The following PRKG1 variants were observed in gnomAD, a reference collection of about 807,000 sequenced individuals.
PRKG1 encodes the protein cGMP-dependent protein kinase 1.
PRKG1 carries 35 observed loss-of-function variants against 88.1 expected under a neutral mutation model. The observed-to-expected ratio is 0.40, with a 90% CI of 0.30 to 0.53. The LOEUF (loss-of-function observed/expected upper bound fraction) is 0.53, where lower values mean the gene tolerates loss of function less well. Ranked by LOEUF, PRKG1 falls within the 20% of genes least tolerant of loss-of-function variation. The probability of loss-of-function intolerance (pLI) is 0.59; values close to 1 mark genes in which losing one functional copy is unlikely to be tolerated. For missense variants in PRKG1, 540 were observed against 839.8 expected (o/e 0.64, Z 4.41); for synonymous variants, 303 against 292.5 (o/e 1.04, Z -0.37).
At chr10:51,620,614 T>C (rs1316065096) in intron 3 of PRKG1, among the ~76,000 whole-genome samples, 2 of 152,118 alleles carry the variant, frequency 1.3e-5, no homozygotes, top group Non-Finnish European at 2.9e-5. Flanking sequence ...TACTCAATCA[T>C]TTATTTGTGA....
intron 5 of PRKG1, among the ~76,000 whole-genome samples, chr10:52,001,109 C>T (rs992427478): frequency 2.6e-5 from 4 of 151,822 alleles, no homozygotes; most frequent in African/African-American, 9.7e-5. Flanking sequence ...ATTTGTCTTT[C>T]TGTGTCTGGC....
At chr10:52,227,462 C>T (rs573332644) in intron 9 of PRKG1, among the ~76,000 whole-genome samples, 8 of 152,156 alleles carry the variant, frequency 5.3e-5, no homozygotes, top group South Asian at 2.1e-4. Flanking sequence ...CAACTATTTA[C>T]GTTGTAAATA....
intron 5 of PRKG1, among the ~76,000 whole-genome samples, chr10:51,945,649 T>C (rs1843013180): frequency 6.6e-6 from 1 of 151,418 alleles, no homozygotes; most frequent in Admixed American, 6.6e-5. Context: ...AGGGCAGGCC[T>C]GGTGGTGACA....
chr10:51,329,160 T>C (rs1184880303), intron 2 of PRKG1, among the ~76,000 whole-genome samples: 1 of 152,194 alleles, frequency 6.6e-6, no homozygotes, highest in Admixed American at 6.5e-5. Flanking sequence ...CATGGAACCT[T>C]TTCCCTAGGT....
chr10:51,611,453 C>T (rs563070343), intron 3 of PRKG1, among the ~76,000 whole-genome samples: 58 of 147,762 alleles, frequency 3.9e-4, no homozygotes, highest in African/African-American at 1.4e-3. Flanking sequence ...ATGTCCTTTG[C>T]CAATTTTTAA....
chr10:51,393,034 CGGGCGG>C (rs1424189497), intron 2 of PRKG1, among the ~76,000 whole-genome samples: 81 of 145,636 alleles, frequency 5.6e-4, no homozygotes, highest in African/African-American at 2.0e-3. Flanking sequence ...GGGTGGTTGC[CGGGCGG>C]AGGGGCTCCT....
chr10:51,804,790 T>A, intron 4 of PRKG1, 100 bp downstream of exon 4: 1 of 769,292 alleles, frequency 1.3e-6, no homozygotes. Flanking sequence ...TTTGCCTTTC[T>A]CTCAGTCATA....
At chr10:52,178,554 T>A (rs1838927608) in intron 9 of PRKG1, among the ~76,000 whole-genome samples, 1 of 151,078 alleles carries the variant, frequency 6.6e-6, no homozygotes, top group South Asian at 2.1e-4. Context: ...CTTTGTTGAT[T>A]TTTTTTTTGT....
chr10:51,413,806 T>G (rs1384560396), intron 2 of PRKG1, among the ~76,000 whole-genome samples: 6 of 152,212 alleles, frequency 3.9e-5, no homozygotes, highest in Non-Finnish European at 8.8e-5. Flanking sequence ...AACCCAAGAA[T>G]CAACTTTTGC....
chr10:51,220,072 G>A (rs1401722916), intron 2 of PRKG1, among the ~76,000 whole-genome samples: 1 of 152,224 alleles, frequency 6.6e-6, no homozygotes, highest in Non-Finnish European at 1.5e-5. Context: ...GAGGAAGTCA[G>A]AGAGATTTGT....
intron 5 of PRKG1, among the ~76,000 whole-genome samples, chr10:51,928,537 A>C (rs2339893): frequency 0.4 from 60,773 of 152,020 alleles, 14,025 homozygotes; most frequent in African/African-American, 0.63. Flanking sequence ...GGCATGGTAG[A>C]CTTTTAGTGT....
At chr10:52,083,371 G>A (rs1846828704) in intron 7 of PRKG1, among the ~76,000 whole-genome samples, 1 of 151,846 alleles carries the variant, frequency 6.6e-6, no homozygotes, top group Admixed American at 6.6e-5. Context: ...TTACTTTTCA[G>A]CCCTAATTGC....
At chr10:51,917,762 A>G (rs948779741) in intron 5 of PRKG1, among the ~76,000 whole-genome samples, 1 of 152,172 alleles carries the variant, frequency 6.6e-6, no homozygotes, top group Non-Finnish European at 1.5e-5. Context: ...TTCTGTATTT[A>G]ATTCTCAACA....
chr10:51,488,901 C>G lies in PRKG1; in HGVS notation c.592+21065C>G, dbSNP rs1326252. Among the ~76,000 whole-genome samples, 702 of 152,228 alleles carry G rather than the reference C, an allele frequency of 4.6e-3. 5 individuals carry two copies. The highest frequency in any genetic ancestry group is 0.016 in the African/African-American group (671 of 41,546). On this transcript the variant is annotated intron_variant, in intron 3 of 17. Coordinates refer to ENST00000373980, the MANE Select transcript of PRKG1 (RefSeq NM_006258.4). ...TGATATGTCAAGAGTGGACTACAATCTCTTGTTTCCATCTCAGACAACAAG... is the reference window on the plus strand; with the variant it reads ...TGATATGTCAAGAGTGGACTACAATGTCTTGTTTCCATCTCAGACAACAAG...
intron 5 of PRKG1, among the ~76,000 whole-genome samples, chr10:51,927,225 C>G (rs529325631): frequency 6.0e-4 from 92 of 152,254 alleles, no homozygotes; most frequent in Admixed American, 2.3e-3. Flanking sequence ...GGTGGTTTCT[C>G]TCATACTGTT....
intron 4 of PRKG1, among the ~76,000 whole-genome samples, chr10:51,897,664 C>T (rs1841884389): frequency 6.6e-6 from 1 of 152,106 alleles, no homozygotes; most frequent in African/African-American, 2.4e-5. Flanking sequence ...CTCTTCTCTT[C>T]TCTTTCATTC....
chr10:51,504,898 A>G (rs917852926), intron 3 of PRKG1, among the ~76,000 whole-genome samples: 2 of 152,182 alleles, frequency 1.3e-5, no homozygotes, highest in Non-Finnish European at 2.9e-5. Context: ...TTCTAGATAT[A>G]CAATCATGTC....
At chr10:51,677,292 G>A (rs1222026137) in intron 3 of PRKG1, among the ~76,000 whole-genome samples, 2 of 152,062 alleles carry the variant, frequency 1.3e-5, no homozygotes, top group Non-Finnish European at 2.9e-5. Context: ...CATGTGACTT[G>A]CTGTATTGTT....
At chr10:51,307,368 C>A (rs1398847427) in intron 2 of PRKG1, among the ~76,000 whole-genome samples, 1 of 152,002 alleles carries the variant, frequency 6.6e-6, no homozygotes, top group Non-Finnish European at 1.5e-5. Context: ...AAGTAACTTG[C>A]CCAAGGTAAT....
Sources: gnomAD v4.1 joint callset for allele counts (sites outside exome capture counted in the v4.1 genomes callset) on GRCh38, gnomAD v4.1.1 for gene constraint, MANE v1.5 for transcripts, NCBI Gene and HGNC (gene_info 2026-07-23, HGNC 2026-07-21) for gene names.